FREM2: variants seen among roughly 807,000 people sequenced by gnomAD.
FREM2 encodes the protein FRAS1 related extracellular matrix 2.
Under a neutral mutation model 219.9 loss-of-function variants are expected in FREM2, and 119 were observed. That is an observed-to-expected ratio of 0.54 (90% confidence interval 0.47 to 0.63). FREM2 has a LOEUF of 0.63. Among genes scored for constraint, FREM2 ranks in the 30% least tolerant of loss-of-function variants. The pLI, the probability that FREM2 is intolerant of heterozygous loss-of-function variation, is 0.00. For synonymous variants in FREM2, 1,562 were observed against 1,522.8 expected (o/e 1.03, Z -0.60); for missense variants, 4,030 against 3,993.6 (o/e 1.01, Z -0.25).
chr13:38,875,960 C>T (rs1418388436), intron 18 of FREM2, 62 bp from the exon 19 acceptor site: 1 of 1,428,092 alleles, frequency 7.0e-7, no homozygotes, highest in Non-Finnish European at 9.9e-7. Flanking sequence ...AAACTCTAAA[C>T]TGTTATGCAC....
intron 1 of FREM2, among the ~76,000 whole-genome samples, chr13:38,696,062 C>T (rs571806887): frequency 3.3e-5 from 5 of 152,056 alleles, no homozygotes; most frequent in Non-Finnish European, 4.4e-5. Context: ...AATCATAGCA[C>T]TTTGGGAGGC....
intron 11 of FREM2, among the ~76,000 whole-genome samples, chr13:38,855,560 G>A (rs1284364685): frequency 1.3e-5 from 2 of 152,098 alleles, no homozygotes; most frequent in Non-Finnish European, 2.9e-5. Flanking sequence ...TTTTCCTTCA[G>A]ATAAAATCGG....
chr13:38,826,540 G>A (rs1876295513), intron 6 of FREM2, among the ~76,000 whole-genome samples: 1 of 152,044 alleles, frequency 6.6e-6, no homozygotes, highest in African/African-American at 2.4e-5. Flanking sequence ...GTTTACTCTG[G>A]AGTCCCTTCC....
intron 6 of FREM2, among the ~76,000 whole-genome samples, chr13:38,793,704 T>C (rs1308672718): frequency 6.6e-6 from 1 of 152,200 alleles, no homozygotes; most frequent in Non-Finnish European, 1.5e-5. Context: ...ATTGAAGAGC[T>C]CAGGTGGCTG....
At chr13:38,856,701 A>G (rs1566168500) in intron 12 of FREM2, among the ~76,000 whole-genome samples, 3 of 151,902 alleles carry the variant, frequency 2.0e-5, no homozygotes, top group Non-Finnish European at 4.4e-5. Flanking sequence ...CTTTATCAGA[A>G]TTTGATGTCC....
chr13:38,822,547 C>T (rs1189091281), intron 6 of FREM2, among the ~76,000 whole-genome samples: 1 of 151,844 alleles, frequency 6.6e-6, no homozygotes, highest in African/African-American at 2.4e-5. Flanking sequence ...GTCTAGCGTG[C>T]ACGGTCTGCA....
At position 38,769,769 on chromosome 13, in the gene FREM2, C is replaced by T; in HGVS notation, c.5602C>T (p.Pro1868Ser). Residue 1868 changes from proline to serine, a missense_variant, in exon 4 of 24, where the codon CCC becomes TCC. By Grantham distance (74) the Pro-to-Ser change is moderately conservative. Coordinates refer to ENST00000280481, the MANE Select transcript of FREM2 (RefSeq NM_207361.6). ...SEPVLAALEF[P>S]TVATVEIVDP... ...GCCCGTGCTGGCTGCCTTGGAATTCCCCACAGTCGCCACTGTTGAGATCGT... is the reference window on the plus strand; with the variant it reads ...GCCCGTGCTGGCTGCCTTGGAATTCTCCACAGTCGCCACTGTTGAGATCGT... The T allele has an allele frequency of 6.2e-7, 1 of 1,614,030 alleles. No individual in the cohort carries two copies. Among genetic ancestry groups the T allele is most frequent in the Non-Finnish European group, 8.5e-7 (1 of 1,179,966 alleles).
rs191262028 is a variant in FREM2 at position 38,783,008 on chromosome 13, G to A, written c.5642-62G>A. On this transcript the variant is annotated intron_variant, in intron 4 of 23. Transcript: ENST00000280481. ...CATTAGAGAAATTTTAATTCTGTAT[G>A]ATTGTTTCAGAGGTAAGAAGCTCAG... The A allele has an allele frequency of 1.6e-4, 257 of 1,581,278 alleles. No individual in the cohort carries two copies. The African/African-American group carries it at 3.3e-3, about 20-fold the overall frequency.
chr13:38,796,525 C>A (rs561210695), intron 6 of FREM2, among the ~76,000 whole-genome samples: 1 of 152,192 alleles, frequency 6.6e-6, no homozygotes, highest in South Asian at 2.1e-4. Flanking sequence ...TAAAAAGTAC[C>A]TCCCTAACCC....
chr13:38,709,758 A>G (rs936663394), intron 2 of FREM2, among the ~76,000 whole-genome samples: 1 of 150,662 alleles, frequency 6.6e-6, no homozygotes, highest in Non-Finnish European at 1.5e-5. Flanking sequence ...GTGATTTGAC[A>G]CAGATACTGT....
In FREM2 at chr13:38,880,868, A is replaced by G; in HGVS notation, c.*81A>G. On this transcript the variant is annotated 3_prime_UTR_variant, in exon 24 of 24. Coordinates refer to ENST00000280481, the MANE Select transcript of FREM2 (RefSeq NM_207361.6). ...GAACCTTAAATACTTCTGGTAAACC[A>G]TAGAGAATGGAGGATGGCTGTGATG... 6.7e-7 allele frequency: 1 copy of G among 1,494,922 alleles called. No individual in the cohort carries two copies. The highest frequency in any genetic ancestry group is 9.3e-7 in the Non-Finnish European group (1 of 1,079,768). The allele number at this position is 1,494,922 out of a possible 1,614,324, so 92.6% of individuals were successfully genotyped here.
At chr13:38,730,832 A>G (rs1871736022) in intron 2 of FREM2, among the ~76,000 whole-genome samples, 1 of 152,212 alleles carries the variant, frequency 6.6e-6, no homozygotes, top group Non-Finnish European at 1.5e-5. Flanking sequence ...GAAAAGGTTC[A>G]AAGACATTAT....
chr13:38,741,772 G>A (rs1872260067), intron 2 of FREM2, among the ~76,000 whole-genome samples: 1 of 152,116 alleles, frequency 6.6e-6, no homozygotes, highest in Non-Finnish European at 1.5e-5. Context: ...GTGGCTCTAG[G>A]CATGCATTTT....
chr13:38,878,397 A>AGTCT, intron 22 of FREM2, 76 bp downstream of exon 22: 1 of 924,270 alleles, frequency 1.1e-6, no homozygotes, highest in East Asian at 3.1e-5. Flanking sequence ...TTTAAAAACA[A>AGTCT]GGCTGGGCAC....
intron 6 of FREM2, among the ~76,000 whole-genome samples, chr13:38,839,367 G>A (rs1236888096): frequency 6.6e-6 from 1 of 152,212 alleles, no homozygotes; most frequent in East Asian, 1.9e-4. Context: ...CCACATGCCA[G>A]CCAGAGCTCT....
rs7984377 is a variant in FREM2, at chr13:38,771,237, A to C, written c.5641+1429A>C. On this transcript the variant is annotated intron_variant, in intron 4 of 23. Coordinates refer to ENST00000280481, the MANE Select transcript of FREM2 (RefSeq NM_207361.6). ...GAATAGTTAGCATTTACTTACATTTAATTGTATCTGCATTATCCAGAGATA... is the reference window on the plus strand; with the variant it reads ...GAATAGTTAGCATTTACTTACATTTCATTGTATCTGCATTATCCAGAGATA... Among the ~76,000 whole-genome samples, 261 of 152,342 alleles carry C rather than the reference A, an allele frequency of 1.7e-3. 1 individual carries two copies. Among genetic ancestry groups the C allele is most frequent in the African/African-American group, 6.0e-3 (251 of 41,578 alleles).
Position 38,881,120 on chromosome 13 carries a change from C to G in FREM2, c.*333C>G. 2.6e-6 allele frequency: 1 copy of G among 384,888 alleles called. No homozygotes were observed. Among genetic ancestry groups the G allele is most frequent in the Non-Finnish European group, 4.9e-6 (1 of 204,470 alleles). 23.8% of individuals were successfully genotyped at this position (384,888 alleles called of 1,614,324 possible). A position where few individuals can be genotyped will look rare whatever the true frequency, so the allele number is the denominator to read the frequency against. On this transcript the variant is annotated 3_prime_UTR_variant, in exon 24 of 24. Coordinates refer to ENST00000280481, the MANE Select transcript of FREM2 (RefSeq NM_207361.6). ...TAAAAGGTGCTAACAGACTCTCTTACAAGTGTAAGAGGAATCTACTGTTGC... is the reference window on the plus strand; with the variant it reads ...TAAAAGGTGCTAACAGACTCTCTTAGAAGTGTAAGAGGAATCTACTGTTGC...
chr13:38,762,387 T>C (rs867400076), intron 2 of FREM2, among the ~76,000 whole-genome samples: 68 of 152,112 alleles, frequency 4.5e-4, no homozygotes, highest in African/African-American at 1.6e-3. Context: ...CAGCGCAAAA[T>C]GTGGAATGAG....
intron 6 of FREM2, among the ~76,000 whole-genome samples, chr13:38,806,089 G>A (rs932650252): frequency 2.6e-5 from 4 of 151,504 alleles, no homozygotes; most frequent in African/African-American, 9.7e-5. Flanking sequence ...GTGGGAGAGG[G>A]TAGGAAAAAA....
Sources: allele counts gnomAD v4.1 joint callset (sites outside exome capture counted in the v4.1 genomes callset), GRCh38; gene constraint gnomAD v4.1.1; transcripts MANE v1.5; gene names NCBI Gene and HGNC (gene_info 2026-07-23, HGNC 2026-07-21).